PDSS2: variants seen among roughly 807,000 people sequenced by gnomAD.
PDSS2 encodes the protein all trans-polyprenyl-diphosphate synthase PDSS2.
In PDSS2, 31 loss-of-function variants were observed where a neutral mutation model predicts 44.5. The observed-to-expected ratio is 0.70, with a 90% CI of 0.52 to 0.94. PDSS2 has a LOEUF of 0.94. PDSS2 is among the 40% of genes least tolerant of loss of function. The probability of loss-of-function intolerance (pLI) is 0.00; values close to 1 mark genes in which losing one functional copy is unlikely to be tolerated. For synonymous variants in PDSS2, 157 were observed against 180.3 expected, an observed-to-expected ratio of 0.87 and a Z score of 1.03; for missense variants, 452 against 482.2, an observed-to-expected ratio of 0.94 and a Z score of 0.59.
At chr6:107,296,395 G>A (rs1438960858) in intron 2 of PDSS2, among the ~76,000 whole-genome samples, 1 of 152,140 alleles carries the variant, frequency 6.6e-6, no homozygotes, top group Non-Finnish European at 1.5e-5. Flanking sequence ...TTTTCTCACA[G>A]CCTTATATCT....
At chr6:107,249,247 T>A (rs943266211) in intron 3 of PDSS2, among the ~76,000 whole-genome samples, 1 of 152,224 alleles carries the variant, frequency 6.6e-6, no homozygotes, top group Non-Finnish European at 1.5e-5. Context: ...CATACTGCCC[T>A]ATTACCGTGC....
intron 3 of PDSS2, among the ~76,000 whole-genome samples, chr6:107,256,268 G>A (rs59490629): frequency 0.086 from 13,131 of 152,226 alleles, 827 homozygotes; most frequent in South Asian, 0.19. Context: ...TGGGATTACA[G>A]GTGTGAGCCA....
At chr6:107,370,782 G>T (rs1779105613) in intron 1 of PDSS2, among the ~76,000 whole-genome samples, 1 of 152,138 alleles carries the variant, frequency 6.6e-6, no homozygotes. Flanking sequence ...GATAGTTCTT[G>T]ATGATGCTCA....
chr6:107,290,079 T>C (rs1212047511), intron 2 of PDSS2, among the ~76,000 whole-genome samples: 1 of 152,226 alleles, frequency 6.6e-6, no homozygotes, highest in Admixed American at 6.5e-5. Context: ...TATTTTAGTA[T>C]TTCCAGTGAC....
At chr6:107,456,245 C>T (rs970678395) in intron 1 of PDSS2, among the ~76,000 whole-genome samples, 7 of 152,056 alleles carry the variant, frequency 4.6e-5, no homozygotes, top group Admixed American at 2.6e-4. Context: ...TACTTGAACC[C>T]GGGAGGTGGA....
intron 7 of PDSS2, among the ~76,000 whole-genome samples, chr6:107,155,279 G>T (rs368818784): frequency 1.3e-5 from 2 of 151,864 alleles, no homozygotes; most frequent in African/African-American, 4.8e-5. Context: ...CCACATAGCT[G>T]GGACTACAGG....
intron 2 of PDSS2, among the ~76,000 whole-genome samples, chr6:107,320,117 T>C (rs1187229368): frequency 6.6e-6 from 1 of 152,210 alleles, no homozygotes; most frequent in African/African-American, 2.4e-5. Context: ...TATAAACATT[T>C]TTACATAGCC....
chr6:107,409,152 T>C (rs139648473), intron 1 of PDSS2, among the ~76,000 whole-genome samples: 124 of 152,174 alleles, frequency 8.1e-4, no homozygotes, highest in Middle Eastern at 6.8e-3. Context: ...TGGAAGAAAA[T>C]ATTAAGCAGC....
chr6:107,181,984 T>G (rs1391153609), intron 7 of PDSS2, among the ~76,000 whole-genome samples: 1 of 152,178 alleles, frequency 6.6e-6, no homozygotes, highest in Non-Finnish European at 1.5e-5. Flanking sequence ...ATTTAATAAT[T>G]TTATTCATGA....
chr6:107,404,674 T>C (rs557870200), intron 1 of PDSS2, among the ~76,000 whole-genome samples: 5 of 152,280 alleles, frequency 3.3e-5, no homozygotes, highest in Admixed American at 3.3e-4. Context: ...CTCACTATCA[T>C]GAGAACAGCA....
intron 1 of PDSS2, among the ~76,000 whole-genome samples, chr6:107,385,619 A>G (rs957453170): frequency 2.0e-5 from 3 of 152,188 alleles, no homozygotes; most frequent in Non-Finnish European, 4.4e-5. Flanking sequence ...TTGCCCATGT[A>G]CTCAGTAAGG....
At chr6:107,166,775 A>T (rs556087450) in intron 7 of PDSS2, among the ~76,000 whole-genome samples, 1 of 152,276 alleles carries the variant, frequency 6.6e-6, no homozygotes, top group African/African-American at 2.4e-5. Context: ...ATGCTGGATT[A>T]TGTTTATTGA....
intron 7 of PDSS2, among the ~76,000 whole-genome samples, chr6:107,186,160 G>C (rs1772156450): frequency 1.3e-5 from 2 of 152,168 alleles, no homozygotes. Context: ...TAAGAGACAG[G>C]GAGAGATGTA....
intron 7 of PDSS2, among the ~76,000 whole-genome samples, chr6:107,170,068 C>T (rs7743634): frequency 0.071 from 10,764 of 152,196 alleles, 1,258 homozygotes; most frequent in African/African-American, 0.24. Flanking sequence ...TATGCCCTGC[C>T]GCCAGAGGTG....
At chr6:107,330,785 C>T (rs1417783797) in intron 2 of PDSS2, among the ~76,000 whole-genome samples, 3 of 152,162 alleles carry the variant, frequency 2.0e-5, no homozygotes, top group Non-Finnish European at 4.4e-5. Flanking sequence ...ACCTAAAGTT[C>T]ACAGTCTTGT....
At chr6:107,314,562 CA>C (rs1235830792) in intron 2 of PDSS2, among the ~76,000 whole-genome samples, 3 of 152,070 alleles carry the variant, frequency 2.0e-5, no homozygotes, top group Non-Finnish European at 2.9e-5. Context: ...GCTAGCTATC[CA>C]AAATAATCAT....
At chr6:107,203,483 T>C (rs564086619) in intron 6 of PDSS2, among the ~76,000 whole-genome samples, 49 of 152,152 alleles carry the variant, frequency 3.2e-4, no homozygotes, top group Admixed American at 1.4e-3. Flanking sequence ...TCCTTGCTTT[T>C]AGTATCTCTT....
At chr6:107,340,998 G>T (rs1055974103) in intron 1 of PDSS2, among the ~76,000 whole-genome samples, 19 of 152,182 alleles carry the variant, frequency 1.2e-4, no homozygotes, top group Non-Finnish European at 2.8e-4. Flanking sequence ...TAAGTGGTTT[G>T]TCTGCAAGGG....
At chr6:107,425,418 C>A (rs1780965978) in intron 1 of PDSS2, among the ~76,000 whole-genome samples, 1 of 152,140 alleles carries the variant, frequency 6.6e-6, no homozygotes, top group Non-Finnish European at 1.5e-5. Flanking sequence ...CAATAAGATC[C>A]AGGCTGAGGT....
Sources: gnomAD v4.1 joint callset for allele counts (sites outside exome capture counted in the v4.1 genomes callset) on GRCh38, gnomAD v4.1.1 for gene constraint, MANE v1.5 for transcripts, NCBI Gene and HGNC (gene_info 2026-07-23, HGNC 2026-07-21) for gene names.